Variants in FHOD3 observed in about 807,000 individuals in gnomAD.
FHOD3 encodes FH1/FH2 domain-containing protein 3.
In FHOD3, 90 loss-of-function variants were observed where a neutral mutation model predicts 173.0. That is an observed-to-expected ratio of 0.52 (90% CI 0.44 to 0.62). The LOEUF is 0.62. Among genes scored for constraint, FHOD3 ranks in the 20% least tolerant of loss-of-function variants. FHOD3 has a pLI of 0.00. For missense variants in FHOD3, 1,945 were observed against 2,034.7 expected, an observed-to-expected ratio of 0.96 and a Z score of 0.85; for synonymous variants, 828 against 823.0, an observed-to-expected ratio of 1.01 and a Z score of -0.10.
chr18:36,476,520 G>C (rs548507543), intron 3 of FHOD3, among the ~76,000 whole-genome samples: 6 of 152,300 alleles, frequency 3.9e-5, no homozygotes, highest in Admixed American at 1.3e-4. Flanking sequence ...AGACCTGTGG[G>C]TGCAAGTTCT....
At chr18:36,645,880 G>T (rs993695834) in intron 10 of FHOD3, among the ~76,000 whole-genome samples, 113 of 152,218 alleles carry the variant, frequency 7.4e-4, no homozygotes, top group African/African-American at 2.7e-3. Flanking sequence ...AAAGGCATTT[G>T]ACAGAACTTT....
intron 1 of FHOD3, among the ~76,000 whole-genome samples, chr18:36,333,485 C>A (rs1340533502): frequency 6.6e-6 from 1 of 152,234 alleles, no homozygotes; most frequent in African/African-American, 2.4e-5. Context: ...ACAATTCTGC[C>A]TTTTTGGGTT....
chr18:36,731,391 C>A (rs1453254995), intron 20 of FHOD3, among the ~76,000 whole-genome samples: 2 of 152,152 alleles, frequency 1.3e-5, no homozygotes, highest in Non-Finnish European at 2.9e-5. Context: ...TTCCACAGGC[C>A]ACGTTCTCCC....
rs756771300 is a variant in FHOD3 at position 36,602,681 on chromosome 18, A to G, written c.726A>G (p.Lys242=). Residue 242 remains lysine (K), a synonymous_variant, in exon 8 of 29, where the codon AAA becomes AAG. Coordinates refer to ENST00000590592, the MANE Select transcript of FHOD3 (RefSeq NM_001281740.3). ...TTTTTGCTTTACTCATAGGGGTCAA[A>G]CCTTGGTCAAATATCATGGAAATCC... is the stretch of plus-strand genomic sequence containing the variant. ...VTAVDTKRGV[K]PWSNIMEILE... The G allele has an allele frequency of 6.2e-6, 10 of 1,613,878 alleles. No homozygotes were observed. The highest frequency in any genetic ancestry group is 8.5e-6 in the Non-Finnish European group (10 of 1,179,730).
intron 9 of FHOD3, among the ~76,000 whole-genome samples, chr18:36,617,610 T>TGTGTGCGC (rs1555783664): frequency 2.2e-4 from 32 of 146,006 alleles, no homozygotes; most frequent in African/African-American, 7.1e-4. Context: ...TGTGTGTGTG[T>TGTGTGCGC]GTGTGTGTGC....
At chr18:36,369,326 A>T (rs2047048920) in intron 2 of FHOD3, among the ~76,000 whole-genome samples, 2 of 152,168 alleles carry the variant, frequency 1.3e-5, no homozygotes, top group Non-Finnish European at 2.9e-5. Context: ...AATACATAAA[A>T]GTGAAACTTT....
chr18:36,350,852 T>C (rs749071821), intron 1 of FHOD3, among the ~76,000 whole-genome samples: 2 of 152,264 alleles, frequency 1.3e-5, no homozygotes, highest in Non-Finnish European at 2.9e-5. Flanking sequence ...TACTTCTTTA[T>C]CACTGACAAG....
chr18:36,307,459 A>G (rs1172023681), intron 1 of FHOD3, among the ~76,000 whole-genome samples: 1 of 152,196 alleles, frequency 6.6e-6, no homozygotes, highest in East Asian at 1.9e-4. Context: ...TACAACCTGC[A>G]GATAGTGTCT....
chr18:36,506,916 C>T (rs566838049), intron 4 of FHOD3, among the ~76,000 whole-genome samples: 7 of 152,256 alleles, frequency 4.6e-5, no homozygotes, highest in Admixed American at 3.3e-4. Flanking sequence ...GCTTCTGGAC[C>T]CTCAACTACT....
intron 3 of FHOD3, among the ~76,000 whole-genome samples, chr18:36,488,043 C>T (rs1311645217): frequency 6.6e-6 from 1 of 152,190 alleles, no homozygotes; most frequent in African/African-American, 2.4e-5. Context: ...GAATAAACTC[C>T]CATCAAAACA....
chr18:36,590,241 T>A (rs1389173159), intron 6 of FHOD3, among the ~76,000 whole-genome samples: 1 of 152,216 alleles, frequency 6.6e-6, no homozygotes, highest in Non-Finnish European at 1.5e-5. Flanking sequence ...TTTTAAGAGC[T>A]ATGGGATGAG....
intron 3 of FHOD3, among the ~76,000 whole-genome samples, chr18:36,420,444 T>C (rs990994032): frequency 6.6e-6 from 1 of 152,128 alleles, no homozygotes; most frequent in Non-Finnish European, 1.5e-5. Flanking sequence ...TTGAAGAACT[T>C]CTAAGTGCCA....
intron 3 of FHOD3, among the ~76,000 whole-genome samples, chr18:36,470,318 C>G (rs1358784919): frequency 6.6e-6 from 1 of 152,212 alleles, no homozygotes; most frequent in East Asian, 1.9e-4. Context: ...AATGAGTGTC[C>G]TATAGTCTCC....
At chr18:36,375,846 C>T (rs1201282747) in intron 3 of FHOD3, among the ~76,000 whole-genome samples, 4 of 152,204 alleles carry the variant, frequency 2.6e-5, no homozygotes, top group Non-Finnish European at 5.9e-5. Flanking sequence ...TTTTGTACCT[C>T]TGTGCTTTAT....
At chr18:36,388,255 G>C (rs1459005738) in intron 3 of FHOD3, among the ~76,000 whole-genome samples, 1 of 152,054 alleles carries the variant, frequency 6.6e-6, no homozygotes, top group Non-Finnish European at 1.5e-5. Context: ...CAGACACAGG[G>C]CCCAAGCTAA....
chr18:36,359,422 T>C (rs546085547), intron 2 of FHOD3, among the ~76,000 whole-genome samples: 1 of 152,304 alleles, frequency 6.6e-6, no homozygotes, highest in South Asian at 2.1e-4. Context: ...GCCAGGTCTG[T>C]TCATCACCTT....
intron 14 of FHOD3, among the ~76,000 whole-genome samples, chr18:36,665,971 T>C (rs993278841): frequency 6.6e-6 from 1 of 152,022 alleles, no homozygotes; most frequent in African/African-American, 2.4e-5. Context: ...GGGTGGAAAT[T>C]AAGAGGGAAT....
At chr18:36,541,249 CAAAAAAAA>C (rs770104487) in intron 5 of FHOD3, among the ~76,000 whole-genome samples, 1 of 40,358 alleles carries the variant, frequency 2.5e-5, no homozygotes, top group Non-Finnish European at 5.2e-5. Context: ...GACTCTGTCT[CAAAAAAAA>C]AAAAAAAAAA....
At chr18:36,440,151 C>G (rs1245657839) in intron 3 of FHOD3, among the ~76,000 whole-genome samples, 1 of 152,158 alleles carries the variant, frequency 6.6e-6, no homozygotes, top group Non-Finnish European at 1.5e-5. Context: ...TTCTTTGTTT[C>G]GAATAAGCTC....
Sources: gnomAD v4.1 joint callset for allele counts (sites outside exome capture counted in the v4.1 genomes callset) on GRCh38, gnomAD v4.1.1 for gene constraint, MANE v1.5 for transcripts, NCBI Gene and HGNC (gene_info 2026-07-23, HGNC 2026-07-21) for gene names.